The following RASAL3 variants were observed in gnomAD, a reference collection of about 807,000 sequenced individuals.
RASAL3 encodes the protein RAS protein activator like 3, also known as RAS protein activator like-3.
In RASAL3, 74 loss-of-function variants were observed where a neutral mutation model predicts 105.5. The ratio of observed to expected loss-of-function variants is 0.70; its 90% CI spans 0.58 to 0.85. The LOEUF is 0.85. Ranked by LOEUF, RASAL3 falls within the 40% of genes least tolerant of loss-of-function variation. The pLI is 0.00. For missense variants in RASAL3, 1,352 were observed against 1,392.0 expected (o/e 0.97, Z 0.46); for synonymous variants, 579 against 591.6 (o/e 0.98, Z 0.31).
rs749001649 is a variant in RASAL3, at chr19:15,452,122, G to C, written c.2829-14C>G. 6.2e-7 allele frequency: 1 copy of C among 1,613,820 alleles called. No homozygotes were observed. The highest frequency in any genetic ancestry group is 1.1e-5 in the South Asian group (1 of 91,072). On this transcript the variant is annotated splice_polypyrimidine_tract_variant and intron_variant, in intron 16 of 17. Transcript: ENST00000343625. Reference sequence around the variant, plus strand: ...AACTCTGAGCTCCTGTGGGGGTCGGGGGATTGGGGCGAAGGGCAGAGGCTA... The same window carrying C: ...AACTCTGAGCTCCTGTGGGGGTCGGCGGATTGGGGCGAAGGGCAGAGGCTA...
chr19:15,458,758 A>C (rs1970412812), intron 6 of RASAL3, 103 bp from the exon 7 acceptor site: 1 of 1,438,978 alleles, frequency 6.9e-7, no homozygotes, highest in African/African-American at 1.4e-5. Flanking sequence ...CCCAATTCGG[A>C]TCCCGTTTCT....
rs1228383411 is a variant in RASAL3, at chr19:15,454,187, T to G, written c.2241A>C (p.Pro747=). The change falls in exon 14 of 18, where the codon CCA becomes CCC. Residue 747 remains proline (P), a synonymous_variant. Coordinates refer to ENST00000343625, the MANE Select transcript of RASAL3 (RefSeq NM_022904.3). ...GGGCCGGGGGCAGTGGGAGACGCAT[T>G]GGCACTGACACAAGCACAGGCTGGC... ...EEGQPVLVSV[P]MRLPLPPAQV... 6.4e-7 allele frequency: 1 copy of G among 1,569,602 alleles called. No individual in the cohort carries two copies. Among genetic ancestry groups the G allele is most frequent in the South Asian group, 1.2e-5 (1 of 85,294 alleles).
At chr19:15,455,660 T>G (rs1295079797) in intron 11 of RASAL3, among the ~76,000 whole-genome samples, 1 of 152,196 alleles carries the variant, frequency 6.6e-6, no homozygotes, top group African/African-American at 2.4e-5. Flanking sequence ...GAGTGATTTT[T>G]ATTTATATTT....
chr19:15,453,137 C>T lies in RASAL3; in HGVS notation c.2640G>A (p.Gln880=), dbSNP rs1484107767. 1 of 1,613,726 alleles carries T rather than the reference C, an allele frequency of 6.2e-7. No individual in the cohort carries two copies. Among genetic ancestry groups the T allele is most frequent in the Non-Finnish European group, 8.5e-7 (1 of 1,179,720 alleles). ...RQMDQPQDRN[Q]ALGTHRPVNK... ...TCACAGGTCGGTGCGTGCCCAGTGC[C>T]TGGTTTCGGTCTTGCGGCTGGTCCA... Residue 880 remains glutamine (Q), a synonymous_variant, in exon 15 of 18, where the codon CAG becomes CAA. Coordinates refer to ENST00000343625, the MANE Select transcript of RASAL3 (RefSeq NM_022904.3). This position sits in a 1 kb window ranked among gnomAD's most constrained non-coding sequence, Gnocchi z 4.2.
At position 15,454,838 on chromosome 19, in the gene RASAL3, CT is replaced by C; in HGVS notation, c.1776del (p.Glu593AsnfsTer48). The stretch of plus-strand genomic sequence containing the variant: ...GGGCCCAGCACCTCAGAGCCACGTT[CT>C]TTACATGCTTCTCGCCAGCTTGAGA... The part of the protein sequence containing the change: ...IVFSSWREAC[K>X]ERGSEVLGPR... On this transcript the variant is annotated frameshift_variant, in exon 12 of 18. Transcript: ENST00000343625. LOFTEE classifies it high-confidence loss of function. 1.3e-6 allele frequency: 2 copies of C among 1,582,886 alleles called. No homozygotes were observed. Among genetic ancestry groups the C allele is most frequent in the Admixed American group, 1.8e-5 (1 of 54,850 alleles).
intron 5 of RASAL3, among the ~76,000 whole-genome samples, 174 bp downstream of exon 5, chr19:15,460,886 A>T (rs530737963): frequency 6.6e-6 from 1 of 152,186 alleles, no homozygotes; most frequent in South Asian, 2.1e-4. Context: ...GCTTCCCATA[A>T]ACAACCCCTA....
rs527514253 is a variant in RASAL3 at position 15,463,081 on chromosome 19, CTT to C, written c.328+948_328+949del. Among the ~76,000 whole-genome samples the C allele has an allele frequency of 1.0e-3, 148 of 143,928 alleles. 1 individual carries two copies. In the South Asian group the frequency reaches 0.011, roughly 10 times the overall value. The allele number at this position is 143,928 out of a possible 152,430, so 94.4% of individuals were successfully genotyped here. The stretch of plus-strand genomic sequence containing the variant: ...GCACCATCTGTCATTTTTTTTCTTT[CTT>C]TTTTTTTTTTTTCTTCCATTGAGAT... On this transcript the variant is annotated intron_variant, in intron 2 of 17. Transcript: ENST00000343625.
At chr19:15,463,857 A>G (rs570294125) in intron 2 of RASAL3, among the ~76,000 whole-genome samples, 174 bp downstream of exon 2, 1 of 152,002 alleles carries the variant, frequency 6.6e-6, no homozygotes, top group East Asian at 1.9e-4. Context: ...AACTCCTCCT[A>G]CCCTCTTTAG....
In RASAL3 at chr19:15,452,648, C is replaced by T; in HGVS notation, c.2828+10G>A. On this transcript the variant is annotated intron_variant, in intron 16 of 17. Transcript: ENST00000343625. ...CTGGGGGCGGAGCTAATGGAGAGGG[C>T]TGGGCTCACCCAGCACGGAGCCTGG... 6.5e-7 allele frequency: 1 copy of T among 1,535,190 alleles called. No homozygotes were observed. Among genetic ancestry groups the T allele is most frequent in the South Asian group, 1.2e-5 (1 of 82,232 alleles).
intron 3 of RASAL3, 35 bp from the exon 4 acceptor site, chr19:15,461,331 G>GAGGCAGGCAGGC (rs566684232): frequency 6.9e-6 from 11 of 1,598,604 alleles, no homozygotes; most frequent in Non-Finnish European, 9.4e-6. Context: ...TCAGAGAGGG[G>GAGGCAGGCAGGC]AGGCAGGCAG....
intron 13 of RASAL3, 46 bp downstream of exon 13, chr19:15,454,315 A>AATCCAG: frequency 6.4e-7 from 1 of 1,573,080 alleles, no homozygotes; most frequent in Non-Finnish European, 8.6e-7. Context: ...CCAGGGTCAG[A>AATCCAG]GTCTCCCAAG....
At position 15,452,805 on chromosome 19, in the gene RASAL3, A is replaced by G. The variant is rs763160868; in HGVS notation, c.2681T>C (p.Leu894Pro). ...ACGCAGAGCGGCCACCTCGCACTGC[A>G]GCTCTGCCAACTGTGGTGGGAGAGC... The part of the protein sequence containing the change: ...THRPVNKLAE[L>P]QCEVAALREE... The change falls in exon 16 of 18, where the codon CTG becomes CCG. Residue 894 changes from leucine to proline, a missense_variant. Physicochemically the swap from Leu to Pro is moderately conservative, Grantham distance 98. Transcript: ENST00000343625. 4.5e-6 allele frequency: 7 copies of G among 1,554,958 alleles called. No homozygotes were observed. In the Admixed American group the frequency reaches 1.2e-4, roughly 26 times the overall value.
In RASAL3 at chr19:15,453,069, T is replaced by C. The variant is rs1208054758; in HGVS notation, c.2670+38A>G. On this transcript the variant is annotated intron_variant, in intron 15 of 17. Coordinates refer to ENST00000343625, the MANE Select transcript of RASAL3 (RefSeq NM_022904.3). The surrounding 1 kb of genome is among the most constrained non-coding windows in gnomAD (Gnocchi z 4.2). ...TCAGTCTTCCCCAGTCGCGTCCCTGTTCCCACTCCCCAGGCGCGGACCTGG... is the reference window on the plus strand; with the variant it reads ...TCAGTCTTCCCCAGTCGCGTCCCTGCTCCCACTCCCCAGGCGCGGACCTGG... 14 of 1,611,420 alleles carry C rather than the reference T, an allele frequency of 8.7e-6. No homozygotes were observed. Among genetic ancestry groups the C allele is most frequent in the Non-Finnish European group, 1.2e-5 (14 of 1,179,356 alleles).
intron 4 of RASAL3, 48 bp downstream of exon 4, chr19:15,461,170 T>C (rs1222617721): frequency 6.2e-7 from 1 of 1,613,206 alleles, no homozygotes; most frequent in Non-Finnish European, 8.5e-7. Context: ...TCTGCCCCAC[T>C]TTTAGAGCCT....
In RASAL3 at chr19:15,454,652, C is replaced by T; in HGVS notation, c.1958+5G>A. ...TCCCCCCACCCCTAGCTTCCCAGCA[C>T]CTACGGGGCACGGTTGGCGAGGTTC... On this transcript the variant is annotated splice_donor_5th_base_variant and intron_variant, in intron 12 of 17. Coordinates refer to ENST00000343625, the MANE Select transcript of RASAL3 (RefSeq NM_022904.3). 6.2e-7 allele frequency: 1 copy of T among 1,610,118 alleles called. No individual in the cohort carries two copies. Among genetic ancestry groups the T allele is most frequent in the South Asian group, 1.1e-5 (1 of 90,800 alleles).
intron 4 of RASAL3, 38 bp downstream of exon 4, chr19:15,461,180 T>A (rs1483705439): frequency 2.5e-6 from 4 of 1,613,234 alleles, no homozygotes; most frequent in African/African-American, 1.3e-5. Flanking sequence ...TTTTAGAGCC[T>A]CCCAAATGCC....
intron 15 of RASAL3, 81 bp from the exon 16 acceptor site, chr19:15,452,896 G>A: frequency 6.8e-7 from 1 of 1,472,960 alleles, no homozygotes; most frequent in Non-Finnish European, 9.0e-7. Context: ...CCAGGCCCAA[G>A]CGCTCAGCGT....
intron 15 of RASAL3, 107 bp downstream of exon 15, chr19:15,453,000 C>A: frequency 6.5e-7 from 1 of 1,531,572 alleles, no homozygotes; most frequent in South Asian, 1.2e-5. Context: ...TGGGGTCACA[C>A]AGCACAGCGA....
rs1015832530 is a variant in RASAL3, at chr19:15,453,961, C to T, written c.2279+188G>A. Among the ~76,000 whole-genome samples, 2 of 152,148 alleles carry T rather than the reference C, an allele frequency of 1.3e-5. No homozygotes were observed. Among genetic ancestry groups the T allele is most frequent in the Non-Finnish European group, 2.9e-5 (2 of 68,036 alleles). Reference sequence around the variant, plus strand: ...GACCCTTGACATCTCTCCACCCTAACCTCTCCTCTCATCCCCGACCTCAAA... The same window carrying T: ...GACCCTTGACATCTCTCCACCCTAATCTCTCCTCTCATCCCCGACCTCAAA... On this transcript the variant is annotated intron_variant, in intron 14 of 17. Coordinates refer to ENST00000343625, the MANE Select transcript of RASAL3 (RefSeq NM_022904.3). This position sits in a 1 kb window ranked among gnomAD's most constrained non-coding sequence, Gnocchi z 4.2.
Sources: allele counts gnomAD v4.1 joint callset (sites outside exome capture counted in the v4.1 genomes callset), GRCh38; gene constraint gnomAD v4.1.1; non-coding constraint Gnocchi (gnomAD v3.1); transcripts MANE v1.5; gene names NCBI Gene and HGNC (gene_info 2026-07-23, HGNC 2026-07-21).